Variants in ZFHX3 observed in about 807,000 individuals in gnomAD.
ZFHX3 encodes zinc finger homeobox protein 3.
Under a neutral mutation model 279.1 loss-of-function variants are expected in ZFHX3, and 42 were observed. The observed-to-expected ratio is 0.15, with a 90% CI of 0.12 to 0.19. The LOEUF is 0.19. ZFHX3 is among the 10% of genes least tolerant of loss of function. The pLI, the probability that ZFHX3 is intolerant of heterozygous loss-of-function variation, is 1.00. For synonymous variants in ZFHX3, 2,293 were observed against 1,957.8 expected (o/e 1.17, Z -4.52); for missense variants, 4,981 against 4,754.0 (o/e 1.05, Z -1.40).
intron 5 of ZFHX3, among the ~76,000 whole-genome samples, chr16:73,185,831 G>T (rs1967896119): frequency 6.6e-6 from 1 of 152,058 alleles, no homozygotes; most frequent in Admixed American, 6.6e-5. Flanking sequence ...GACCAGTACT[G>T]GTCCATGGCC....
chr16:73,656,083 T>C (rs2052718617), intron 2 of ZFHX3, among the ~76,000 whole-genome samples: 1 of 152,132 alleles, frequency 6.6e-6, no homozygotes, highest in African/African-American at 2.4e-5. Context: ...GAATCAGGGG[T>C]TGGCAAACTA....
intron 4 of ZFHX3, among the ~76,000 whole-genome samples, chr16:72,887,348 CA>C (rs1308140159): frequency 6.6e-6 from 1 of 152,042 alleles, no homozygotes; most frequent in Non-Finnish European, 1.5e-5. Context: ...CCTAGAAAAC[CA>C]GAGAAAACAA....
At chr16:73,886,044 T>G (rs544749003) in intron 1 of ZFHX3, among the ~76,000 whole-genome samples, 68 of 152,320 alleles carry the variant, frequency 4.5e-4, no homozygotes, top group Non-Finnish European at 8.1e-4. Flanking sequence ...CAATGTAATA[T>G]TCATCAAATT....
At chr16:72,963,057 G>T (rs1961660014) in intron 1 of ZFHX3, among the ~76,000 whole-genome samples, 1 of 152,150 alleles carries the variant, frequency 6.6e-6, no homozygotes. Context: ...CAACTCGGCA[G>T]GTCGATCAGC....
chr16:72,904,993 A>G (rs568598904), intron 3 of ZFHX3, among the ~76,000 whole-genome samples: 173 of 152,156 alleles, frequency 1.1e-3, no homozygotes, highest in Non-Finnish European at 2.0e-3. Context: ...CACCATGCCC[A>G]GCTAATTTTT....
At chr16:73,288,792 T>C (rs2014697497) in intron 4 of ZFHX3, among the ~76,000 whole-genome samples, 2 of 151,968 alleles carry the variant, frequency 1.3e-5, no homozygotes, top group African/African-American at 4.8e-5. Context: ...ATATCTTCGG[T>C]AAATAACCGC....
chr16:73,455,325 G>C (rs530952159), intron 3 of ZFHX3, among the ~76,000 whole-genome samples: 1 of 152,174 alleles, frequency 6.6e-6, no homozygotes, highest in Non-Finnish European at 1.5e-5. Flanking sequence ...CGAGAATAGA[G>C]ATCATTCATC....
intron 1 of ZFHX3, among the ~76,000 whole-genome samples, chr16:73,782,792 G>T (rs576924051): frequency 6.6e-6 from 1 of 152,148 alleles, no homozygotes; most frequent in African/African-American, 2.4e-5. Context: ...CTGAAAGACT[G>T]GGTCCCTGAA....
rs148333054 is a variant in ZFHX3, at chr16:72,890,118, T to C, written c.3217-156A>G. 4.9e-3 allele frequency among the ~76,000 whole-genome samples: 753 copies of C among 152,246 alleles called. 18 individuals are homozygous for C. Among genetic ancestry groups the C allele is most frequent in the Admixed American group, 0.044 (671 of 15,294 alleles). ...CAGTCTTTGATATGGTTTGGCTGTG[T>C]CCCCGCCCAAAATCTCATCTTGAAT... On this transcript the variant is annotated intron_variant, in intron 3 of 9. Transcript: ENST00000268489.
At chr16:73,399,830 G>GGT (rs939983784) in intron 3 of ZFHX3, among the ~76,000 whole-genome samples, 1 of 92,356 alleles carries the variant, frequency 1.1e-5, no homozygotes, top group Non-Finnish European at 2.2e-5. Flanking sequence ...TGTGGAGTGT[G>GGT]GTGTGTGGTG....
intron 2 of ZFHX3, among the ~76,000 whole-genome samples, chr16:73,545,937 G>T (rs2020101122): frequency 6.6e-6 from 1 of 152,172 alleles, no homozygotes; most frequent in Admixed American, 6.5e-5. Context: ...AATTGGCACA[G>T]CTCAGCCTAA....
chr16:73,408,058 G>C (rs1365263867), intron 3 of ZFHX3, among the ~76,000 whole-genome samples: 1 of 149,898 alleles, frequency 6.7e-6, no homozygotes, highest in Non-Finnish European at 1.5e-5. Context: ...TGCAGGAGTG[G>C]ATGGGGGTGG....
At chr16:73,775,735 G>A (rs1027648191) in intron 1 of ZFHX3, among the ~76,000 whole-genome samples, 4 of 152,156 alleles carry the variant, frequency 2.6e-5, no homozygotes, top group Non-Finnish European at 5.9e-5. Context: ...ATTTGTAAAA[G>A]GCTGCTCCAT....
chr16:72,966,397 A>G (rs1961841383), intron 1 of ZFHX3, among the ~76,000 whole-genome samples: 1 of 152,256 alleles, frequency 6.6e-6, no homozygotes, highest in Non-Finnish European at 1.5e-5. Flanking sequence ...TGGAGTCATA[A>G]GAGTTCATGC....
intron 3 of ZFHX3, among the ~76,000 whole-genome samples, chr16:72,940,107 T>C (rs1960339226): frequency 6.6e-6 from 1 of 152,092 alleles, no homozygotes; most frequent in South Asian, 2.1e-4. Context: ...AGACAGGGTC[T>C]GTTTATGTTG....
At chr16:72,911,626 T>C (rs910162758) in intron 3 of ZFHX3, among the ~76,000 whole-genome samples, 8 of 152,290 alleles carry the variant, frequency 5.3e-5, no homozygotes, top group African/African-American at 1.9e-4. Context: ...CTGGCCAATA[T>C]AGCAGCCACT....
Position 72,861,789 on chromosome 16 carries a change from C to T in ZFHX3, c.3448+27942G>A, listed in dbSNP as rs891582044. On this transcript the variant is annotated intron_variant, in intron 4 of 9. Transcript: ENST00000268489. ...CAGCACTTTGGGAGGCAGAGGCGGG[C>T]GGGTCACTTAAGGTCAGGAGTTCAA... Among the ~76,000 whole-genome samples, 9 of 151,978 alleles carry T rather than the reference C, an allele frequency of 5.9e-5. No homozygotes were observed. In the South Asian group the frequency reaches 6.2e-4, roughly 11 times the overall value.
At chr16:72,791,072 C>T (rs1452293096) in intron 9 of ZFHX3, 1 of 152,122 alleles carries the variant, frequency 6.6e-6, no homozygotes, top group Non-Finnish European at 1.5e-5. Context: ...GGTACTTCAT[C>T]CCCCCTAGAC....
At position 72,950,413 on chromosome 16, in the gene ZFHX3, T is replaced by C. The variant is rs986942774; in HGVS notation, c.3216+56A>G. 75 of 1,581,568 alleles carry C rather than the reference T, an allele frequency of 4.7e-5. No homozygotes were observed. The East Asian group carries it at 1.7e-3, about 35-fold the overall frequency. Reference sequence around the variant, plus strand: ...TCCCCAGTGCTCCCTAACTCCCCGGTGCGCAACCCCCTCCTTTCAGAAAGA... The same window carrying C: ...TCCCCAGTGCTCCCTAACTCCCCGGCGCGCAACCCCCTCCTTTCAGAAAGA... On this transcript the variant is annotated intron_variant, in intron 3 of 9. Coordinates refer to ENST00000268489, the MANE Select transcript of ZFHX3 (RefSeq NM_006885.4).
Sources: allele counts gnomAD v4.1 joint callset (sites outside exome capture counted in the v4.1 genomes callset), GRCh38; gene constraint gnomAD v4.1.1; transcripts MANE v1.5; gene names NCBI Gene and HGNC (gene_info 2026-07-23, HGNC 2026-07-21).